The following TANC2 variants were observed in gnomAD, a reference collection of about 807,000 sequenced individuals.
The protein encoded by TANC2 is protein TANC2.
Under a neutral mutation model 210.5 loss-of-function variants are expected in TANC2, and 26 were observed. The ratio of observed to expected loss-of-function variants is 0.12; its 90% CI spans 0.09 to 0.17. The LOEUF (loss-of-function observed/expected upper bound fraction) is 0.17, where lower values mean the gene tolerates loss of function less well. TANC2 is among the 10% of genes least tolerant of loss of function. The pLI is 1.00. For missense variants in TANC2, 2,129 were observed against 2,608.9 expected (o/e 0.82, Z 4.01); for synonymous variants, 931 against 967.1 (o/e 0.96, Z 0.69).
At chr17:62,988,025 C>T (rs1012531672) in intron 1 of TANC2, among the ~76,000 whole-genome samples, 1 of 151,936 alleles carries the variant, frequency 6.6e-6, no homozygotes, top group Non-Finnish European at 1.5e-5. Flanking sequence ...TTTGATTTAC[C>T]TATGATATTT....
At chr17:63,384,628 C>G (rs1237129515) in intron 15 of TANC2, among the ~76,000 whole-genome samples, 1 of 152,116 alleles carries the variant, frequency 6.6e-6, no homozygotes, top group Non-Finnish European at 1.5e-5. Context: ...AGTGATAACC[C>G]TTATCCTAAA....
At chr17:63,234,640 T>A (rs2042571803) in intron 7 of TANC2, among the ~76,000 whole-genome samples, 1 of 151,374 alleles carries the variant, frequency 6.6e-6, no homozygotes, top group Non-Finnish European at 1.5e-5. Context: ...TGCTAAAAGT[T>A]TTTTTTTTAA....
intron 4 of TANC2, among the ~76,000 whole-genome samples, chr17:63,112,354 C>G (rs1425482689): frequency 6.6e-6 from 1 of 152,060 alleles, no homozygotes; most frequent in African/African-American, 2.4e-5. Flanking sequence ...ACCTGTTAAT[C>G]CAAGGGAATC....
chr17:63,292,978 CAA>C (rs2044426290), intron 9 of TANC2, among the ~76,000 whole-genome samples: 1 of 151,990 alleles, frequency 6.6e-6, no homozygotes, highest in African/African-American at 2.4e-5. Flanking sequence ...CCTGCTCACC[CAA>C]AAAAGCGATT....
At chr17:63,422,515 C>T (rs1007469000) in exon 28 of TANC2, 2 of 153,022 alleles carry the variant, frequency 1.3e-5, no homozygotes, top group Non-Finnish European at 2.9e-5. Context: ...TGCTGGTCTT[C>T]CTAGGGGGTA....
At chr17:63,356,346 CAAAG>C (rs929043209) in intron 14 of TANC2, among the ~76,000 whole-genome samples, 31 of 152,246 alleles carry the variant, frequency 2.0e-4, no homozygotes, top group African/African-American at 7.2e-4. Context: ...TTCATGGAAA[CAAAG>C]AAGACACCAA....
chr17:62,999,605 TTA>T (rs2033277827), intron 1 of TANC2, among the ~76,000 whole-genome samples: 2 of 151,516 alleles, frequency 1.3e-5, no homozygotes, highest in Non-Finnish European at 2.9e-5. Context: ...TCTTAAAACA[TTA>T]TGAGATTTTT....
intron 4 of TANC2, chr17:63,148,287 C>T (rs2039530455): frequency 6.6e-6 from 1 of 152,118 alleles, no homozygotes; most frequent in South Asian, 2.1e-4. Context: ...CTCACTAGTC[C>T]ATGTATTAAT....
chr17:63,424,444 T>C (rs2049098039), exon 28 of TANC2: 1 of 152,200 alleles, frequency 6.6e-6, no homozygotes, highest in African/African-American at 2.4e-5. Context: ...GTGCCCTGTT[T>C]GCTACTTCAC....
intron 4 of TANC2, chr17:63,149,537 C>T (rs1417657924): frequency 6.6e-6 from 1 of 152,104 alleles, no homozygotes; most frequent in Non-Finnish European, 1.5e-5. Flanking sequence ...GCAGGTAAAA[C>T]AGTTACTCTG....
At chr17:63,252,012 G>T (rs2043065719) in intron 8 of TANC2, among the ~76,000 whole-genome samples, 1 of 152,106 alleles carries the variant, frequency 6.6e-6, no homozygotes, top group Admixed American at 6.5e-5. Context: ...CAAACCACCA[G>T]CTTTTATTTA....
intron 4 of TANC2, among the ~76,000 whole-genome samples, chr17:63,130,347 A>C (rs928218242): frequency 7.2e-5 from 11 of 152,014 alleles, no homozygotes; most frequent in African/African-American, 2.7e-4. Context: ...CCCCAGCTCT[A>C]CTAAAAATAC....
At chr17:63,379,887 G>T in intron 15 of TANC2, 61 bp downstream of exon 15, 1 of 1,397,588 alleles carries the variant, frequency 7.2e-7, no homozygotes, top group Admixed American at 1.9e-5. Context: ...TATGCTTTAT[G>T]TAAGAGACTA....
chr17:63,338,579 A>G (rs1355563769), intron 11 of TANC2, among the ~76,000 whole-genome samples: 1 of 152,224 alleles, frequency 6.6e-6, no homozygotes, highest in African/African-American at 2.4e-5. Flanking sequence ...TTCACTGTTC[A>G]TTGAGAGGAC....
At chr17:63,191,123 G>A (rs1329369751) in intron 5 of TANC2, among the ~76,000 whole-genome samples, 2 of 151,848 alleles carry the variant, frequency 1.3e-5, no homozygotes, top group African/African-American at 4.8e-5. Flanking sequence ...AACAAAAAGG[G>A]AAGAAAAATG....
rs1461338471 is a variant in TANC2 at position 63,392,526 on chromosome 17, C to T, written c.3051+2982C>T. ...GAGAAGCTACTCCTTGGTCTCTACC[C>T]CAACTGCCACTATCCCCCTGAATTA... On this transcript the variant is annotated intron_variant, in intron 17 of 27. Transcript: ENST00000689528. Among the ~76,000 whole-genome samples the T allele has an allele frequency of 3.3e-5, 5 of 152,182 alleles. No individual in the cohort carries two copies. The South Asian group carries it at 1.0e-3, about 32-fold the overall frequency.
intron 4 of TANC2, among the ~76,000 whole-genome samples, chr17:63,104,433 G>A (rs192313227): frequency 7.7e-4 from 117 of 152,218 alleles, no homozygotes; most frequent in Non-Finnish European, 1.3e-3. Flanking sequence ...TTGGGTAGGG[G>A]TGAAAACTGG....
At chr17:63,092,400 C>T (rs2037231791) in intron 3 of TANC2, among the ~76,000 whole-genome samples, 2 of 151,192 alleles carry the variant, frequency 1.3e-5, no homozygotes, top group African/African-American at 2.4e-5. Flanking sequence ...TTTTTTTTAG[C>T]CATTTTACTA....
intron 8 of TANC2, among the ~76,000 whole-genome samples, chr17:63,257,552 G>A (rs2043232066): frequency 6.6e-6 from 1 of 152,078 alleles, no homozygotes; most frequent in Non-Finnish European, 1.5e-5. Flanking sequence ...TAGAGATGGG[G>A]TTTTGCCATG....
Sources: gnomAD v4.1 joint callset for allele counts (sites outside exome capture counted in the v4.1 genomes callset) on GRCh38, gnomAD v4.1.1 for gene constraint, MANE v1.5 for transcripts, NCBI Gene and HGNC (gene_info 2026-07-23, HGNC 2026-07-21) for gene names.